DNAH12: variants seen among roughly 807,000 people sequenced by gnomAD.
The protein encoded by DNAH12 is axonemal beta dynein heavy chain 12.
Under a neutral mutation model 371.5 loss-of-function variants are expected in DNAH12, and 285 were observed. That is an observed-to-expected ratio of 0.77 (90% CI 0.70 to 0.85). The LOEUF (loss-of-function observed/expected upper bound fraction) is 0.85, where lower values mean the gene tolerates loss of function less well. Among genes scored for constraint, DNAH12 ranks in the 40% least tolerant of loss-of-function variants. The pLI is 0.00. For synonymous variants in DNAH12, 1,200 were observed against 1,213.0 expected, an observed-to-expected ratio of 0.99 and a Z score of 0.22; for missense variants, 3,611 against 3,689.4, an observed-to-expected ratio of 0.98 and a Z score of 0.55.
At chr3:57,388,041 T>A (rs1438607788) in intron 45 of DNAH12, among the ~76,000 whole-genome samples, 8 of 152,212 alleles carry the variant, frequency 5.3e-5, no homozygotes, top group African/African-American at 1.7e-4. Flanking sequence ...AGTTGATTTT[T>A]AAATTTTCTT....
chr3:57,513,050 A>G (rs891688355), intron 4 of DNAH12, among the ~76,000 whole-genome samples: 15 of 151,866 alleles, frequency 9.9e-5, no homozygotes, highest in Non-Finnish European at 1.8e-4. Context: ...GAGGCAGAGA[A>G]TTGCTTGAAT....
rs2062887197 is a variant in DNAH12 at position 57,359,942 on chromosome 3, G to A, written c.9361-2594C>T. On this transcript the variant is annotated intron_variant, in intron 58 of 73. Coordinates refer to ENST00000495027, the MANE Select transcript of DNAH12 (RefSeq NM_001366028.2). ...TATGTTTTAGCTCAAACCATATAAT[G>A]AATTTAAAACTATGTTTGCAATGAT... Among the ~76,000 whole-genome samples, 5 of 152,224 alleles carry A rather than the reference G, an allele frequency of 3.3e-5. No homozygotes were observed. In the South Asian group the frequency reaches 1.0e-3, roughly 32 times the overall value.
chr3:57,406,309 A>G (rs2064024001), intron 40 of DNAH12, among the ~76,000 whole-genome samples: 1 of 148,994 alleles, frequency 6.7e-6, no homozygotes, highest in South Asian at 2.2e-4. Context: ...AAGAGCCAAG[A>G]TCACGCCATT....
At chr3:57,389,840 A>ATATAT (rs1559608294) in intron 45 of DNAH12, among the ~76,000 whole-genome samples, 7 of 98,578 alleles carry the variant, frequency 7.1e-5, no homozygotes, top group Admixed American at 1.1e-4. Flanking sequence ...ATATATATAT[A>ATATAT]ATACTTTTTT....
At chr3:57,523,719 A>G in intron 3 of DNAH12, 84 bp downstream of exon 3, 1 of 1,323,218 alleles carries the variant, frequency 7.6e-7, no homozygotes, top group Non-Finnish European at 1.0e-6. Context: ...TTCCTTTTAA[A>G]AACATCAGTT....
At chr3:57,394,951 C>T (rs1469881668) in intron 43 of DNAH12, among the ~76,000 whole-genome samples, 3 of 151,724 alleles carry the variant, frequency 2.0e-5, no homozygotes, top group African/African-American at 4.8e-5. Context: ...TTGTTAGAAC[C>T]GATTGTTAAA....
intron 34 of DNAH12, among the ~76,000 whole-genome samples, chr3:57,425,419 T>TTC (rs1553687810): frequency 1.1e-4 from 17 of 151,222 alleles, no homozygotes; most frequent in African/African-American, 3.4e-4. Flanking sequence ...TTTTTTTTTT[T>TTC]CCCAGATAGG....
intron 33 of DNAH12, 71 bp downstream of exon 33, chr3:57,429,620 A>G: frequency 7.1e-7 from 1 of 1,409,470 alleles, no homozygotes; most frequent in African/African-American, 1.5e-5. Flanking sequence ...CATATAATAA[A>G]AAATACTTAT....
intron 44 of DNAH12, 27 bp from the exon 45 acceptor site, chr3:57,392,093 T>G (rs1253346905): frequency 6.6e-6 from 1 of 152,158 alleles, no homozygotes; most frequent in Non-Finnish European, 1.5e-5. Flanking sequence ...AATAAAAACC[T>G]TGTAAATAAA....
intron 17 of DNAH12, among the ~76,000 whole-genome samples, chr3:57,464,001 A>T (rs964777511): frequency 5.9e-5 from 9 of 151,988 alleles, no homozygotes; most frequent in Non-Finnish European, 5.9e-5. Context: ...GGACTTCCAC[A>T]TCTGCATTGC....
chr3:57,316,733 A>T (rs2153280456), intron 65 of DNAH12, among the ~76,000 whole-genome samples: 1 of 152,234 alleles, frequency 6.6e-6, no homozygotes, highest in East Asian at 1.9e-4. Context: ...TTCTCACGAG[A>T]TCCGATGGTT....
intron 4 of DNAH12, among the ~76,000 whole-genome samples, chr3:57,518,187 T>C (rs976514736): frequency 6.6e-6 from 1 of 152,086 alleles, no homozygotes; most frequent in Non-Finnish European, 1.5e-5. Context: ...CAATCATTCA[T>C]TAAGTAACTA....
chr3:57,396,820 C>A (rs1367747694), intron 43 of DNAH12, among the ~76,000 whole-genome samples: 1 of 152,122 alleles, frequency 6.6e-6, no homozygotes, highest in Non-Finnish European at 1.5e-5. Flanking sequence ...GATCCGAGAC[C>A]AACCTGGCCA....
At chr3:57,499,053 C>A (rs1323084481) in intron 11 of DNAH12, among the ~76,000 whole-genome samples, 3 of 151,874 alleles carry the variant, frequency 2.0e-5, no homozygotes, top group African/African-American at 4.8e-5. Flanking sequence ...GAGGAATAAA[C>A]TACTGACACA....
chr3:57,437,006 T>G lies in DNAH12; in HGVS notation c.4600A>C (p.Lys1534Gln), dbSNP rs2065147286. 6.6e-7 allele frequency: 1 copy of G among 1,512,640 alleles called. No homozygotes were observed. Among genetic ancestry groups the G allele is most frequent in the African/African-American group, 1.4e-5 (1 of 70,336 alleles). 93.7% of individuals were successfully genotyped at this position (1,512,640 alleles called of 1,614,324 possible). A position where few individuals can be genotyped will look rare whatever the true frequency, so the allele number is the denominator to read the frequency against. ...TGAATTATTTTTTCAAGAAAAAATT[T>G]AACAGGCTGAAGATTATGTACATTG... ...ACNVHNLQPV[K>Q]FFLEKIIQTY... is the part of the protein sequence containing the mutation. The change falls in exon 30 of 74, where the codon AAA becomes CAA. Residue 1534 changes from lysine to glutamine, a missense_variant. By Grantham distance (53) the Lys-to-Gln change is moderately conservative. Transcript: ENST00000495027.
At chr3:57,432,327 A>C (rs1464372104) in intron 32 of DNAH12, among the ~76,000 whole-genome samples, 5 of 130,026 alleles carry the variant, frequency 3.8e-5, no homozygotes, top group African/African-American at 1.2e-4. Context: ...GCGCCACCAC[A>C]CCCAGCTAAT....
At position 57,542,797 on chromosome 3, in the gene DNAH12, T is replaced by C. The variant is rs1348507931; in HGVS notation, c.74A>G (p.His25Arg). The C allele has an allele frequency of 6.2e-7, 1 of 1,610,850 alleles. No homozygotes were observed. The highest frequency in any genetic ancestry group is 8.5e-7 in the Non-Finnish European group (1 of 1,178,816). Reference protein sequence around the residue: ...ALNLKLPPIVHLPENIGVDTP... With the variant: ...ALNLKLPPIVRLPENIGVDTP... ...ATCAACGCCTATGTTTTCTGGGAGA[T>C]GGACAATGGGGGGTAACTTCAAGTT... Residue 25 changes from histidine (H) to arginine (R), a missense_variant, in exon 2 of 74, where the codon CAT becomes CGT. Physicochemically the swap from His to Arg is conservative, Grantham distance 29 (BLOSUM62 0). Coordinates refer to ENST00000495027, the MANE Select transcript of DNAH12 (RefSeq NM_001366028.2).
At chr3:57,344,884 A>G (rs1481799278) in intron 60 of DNAH12, among the ~76,000 whole-genome samples, 7 of 152,090 alleles carry the variant, frequency 4.6e-5, no homozygotes, top group African/African-American at 1.7e-4. Context: ...GTAGTTAACA[A>G]TAATATATTA....
intron 18 of DNAH12, 35 bp downstream of exon 18, chr3:57,462,655 T>C (rs1390361056): frequency 6.5e-7 from 1 of 1,530,666 alleles, no homozygotes; most frequent in East Asian, 2.5e-5. Flanking sequence ...AACGAAGTCA[T>C]CACATAAAGT....
Sources: gnomAD v4.1 joint callset for allele counts (sites outside exome capture counted in the v4.1 genomes callset) on GRCh38, gnomAD v4.1.1 for gene constraint, MANE v1.5 for transcripts, NCBI Gene and HGNC (gene_info 2026-07-23, HGNC 2026-07-21) for gene names.